HS6ST2: variants seen among roughly 807,000 people sequenced by gnomAD.
HS6ST2 encodes heparan sulfate 6-O-sulfotransferase 2, also known as heparan-sulfate 6-O-sulfotransferase 2.
A neutral mutation model predicts 33.0 loss-of-function variants in HS6ST2; 17 were observed. That is an observed-to-expected ratio of 0.52 (90% CI 0.35 to 0.77). The LOEUF (loss-of-function observed/expected upper bound fraction) is 0.77, where lower values mean the gene tolerates loss of function less well. Ranked by LOEUF, HS6ST2 falls within the 30% of genes least tolerant of loss-of-function variation. The probability of loss-of-function intolerance (pLI) is 0.01; values close to 1 mark genes in which losing one functional copy is unlikely to be tolerated. For synonymous variants in HS6ST2, 248 were observed against 237.1 expected (o/e 1.05, Z -0.42); for missense variants, 519 against 551.7 (o/e 0.94, Z 0.59).
In HS6ST2 at chrX:132,752,596, GCT is replaced by G. The variant is rs1357539098; in HGVS notation, c.948-44104_948-44103del. Among the ~76,000 whole-genome samples the G allele has an allele frequency of 3.6e-5, 4 of 111,691 alleles. No individual in the cohort carries two copies. The East Asian group carries it at 1.1e-3, about 31-fold the overall frequency. ...ACGCTGATCAGAAATGGGATGGTAT[GCT>G]CTGTGAGTTAGTATCAGAATCACCT... On this transcript the variant is annotated intron_variant, in intron 2 of 4. Coordinates refer to ENST00000370833, the MANE Select transcript of HS6ST2 (RefSeq NM_001394073.1).
chrX:132,844,252 C>T (rs2065730358), intron 2 of HS6ST2, among the ~76,000 whole-genome samples: 1 of 111,128 alleles, frequency 9.0e-6, no homozygotes, highest in African/African-American at 3.3e-5. Context: ...TGCATAGACA[C>T]ATAGCCTTTT....
intron 4 of HS6ST2, among the ~76,000 whole-genome samples, chrX:132,666,665 T>C (rs2063812513): frequency 9.0e-6 from 1 of 111,614 alleles, no homozygotes; most frequent in Non-Finnish European, 1.9e-5. Context: ...TTTTTAGCCA[T>C]GATGCATATT....
chrX:132,776,241 G>C (rs1049032564), intron 2 of HS6ST2, among the ~76,000 whole-genome samples: 1 of 111,742 alleles, frequency 8.9e-6, no homozygotes, highest in African/African-American at 3.3e-5. Context: ...GAGAATTGTC[G>C]CAAGACACAG....
At chrX:132,957,456 A>C (rs2067094758) in intron 1 of HS6ST2, 130 bp from the exon 2 acceptor site, 1 of 742,242 alleles carries the variant, frequency 1.3e-6, no homozygotes, top group Non-Finnish European at 1.9e-6. Flanking sequence ...CGAGTACTCC[A>C]CGGCGGCGGC....
chrX:132,911,649 T>C (rs2066535446), intron 2 of HS6ST2, among the ~76,000 whole-genome samples: 1 of 93,781 alleles, frequency 1.1e-5, no homozygotes, highest in East Asian at 3.4e-4. Context: ...TTTTTTTTTT[T>C]TTTTTTTGAG....
chrX:132,837,011 T>C (rs931067198), intron 2 of HS6ST2, among the ~76,000 whole-genome samples: 2 of 111,138 alleles, frequency 1.8e-5, no homozygotes, highest in Non-Finnish European at 3.8e-5. Context: ...AAATGAGGAG[T>C]CATTTAGGAT....
At chrX:132,761,562 C>CT (rs2064805730) in intron 2 of HS6ST2, among the ~76,000 whole-genome samples, 1 of 112,492 alleles carries the variant, frequency 8.9e-6, no homozygotes, top group African/African-American at 3.2e-5. Context: ...AGCGTCTCTA[C>CT]TTCCCTGTGG....
intron 2 of HS6ST2, among the ~76,000 whole-genome samples, chrX:132,851,701 G>T (rs1284283610): frequency 9.0e-6 from 1 of 111,543 alleles, no homozygotes; most frequent in East Asian, 2.8e-4. Flanking sequence ...AAATTGATTT[G>T]GGGGGAAAGT....
Position 132,847,375 on chromosome X carries a change from C to T in HS6ST2, c.947+109433G>A, listed in dbSNP as rs181944481. ...TGCCAGTAGTATACCATCCCCCAAG[C>T]CATAAAAATCAAAATTGTCTCCAGA... is the stretch of plus-strand genomic sequence containing the variant. On this transcript the variant is annotated intron_variant, in intron 2 of 4. Transcript: ENST00000370833. 3.4e-3 allele frequency among the ~76,000 whole-genome samples: 375 copies of T among 111,387 alleles called. 13 individuals are homozygous for T. In the East Asian group the frequency reaches 0.09, roughly 27 times the overall value.
In HS6ST2 at chrX:132,958,531, G is replaced by A. The variant is rs2067117748; in HGVS notation, c.72C>T (p.Arg24=). Residue 24 remains arginine, a synonymous_variant, in exon 1 of 5, where the codon CGC becomes CGT. Transcript: ENST00000370833. ...PRQPERGAPV[R]TTCPRRHSRV... ...TGGAATGCCGGCGGGGACAGGTGGT[G>A]CGGACGGGCGCTCCTCGCTCCGGTT... is the stretch of plus-strand genomic sequence containing the variant. The A allele has an allele frequency of 1.7e-6, 2 of 1,182,169 alleles. No homozygotes were observed. Among genetic ancestry groups the A allele is most frequent in the Non-Finnish European group, 2.3e-6 (2 of 881,356 alleles).
chrX:132,840,762 C>A (rs1470660649), intron 2 of HS6ST2, among the ~76,000 whole-genome samples: 1 of 111,647 alleles, frequency 9.0e-6, no homozygotes, highest in African/African-American at 3.3e-5. Flanking sequence ...TACAAAAATG[C>A]ATAAACATTA....
chrX:132,690,171 C>T (rs1162742647), intron 3 of HS6ST2, among the ~76,000 whole-genome samples: 1 of 112,172 alleles, frequency 8.9e-6, no homozygotes, highest in African/African-American at 3.2e-5. Context: ...ATATATTTTT[C>T]AAATGTCACA....
intron 2 of HS6ST2, among the ~76,000 whole-genome samples, chrX:132,816,912 AT>A (rs1161025423): frequency 6.3e-5 from 7 of 111,446 alleles, no homozygotes; most frequent in Non-Finnish European, 1.3e-4. Flanking sequence ...ATTGGCGGTG[AT>A]TAGAGAATAA....
At chrX:132,867,361 G>A (rs939533616) in intron 2 of HS6ST2, among the ~76,000 whole-genome samples, 1 of 109,248 alleles carries the variant, frequency 9.2e-6, no homozygotes, top group African/African-American at 3.4e-5. Context: ...GCTTTTTGAT[G>A]TGCTGCTGGA....
intron 2 of HS6ST2, among the ~76,000 whole-genome samples, chrX:132,874,752 C>T (rs1448721417): frequency 9.0e-6 from 1 of 111,391 alleles, no homozygotes; most frequent in African/African-American, 3.3e-5. Flanking sequence ...TGTGTTTCCA[C>T]CCTTTCCAAC....
intron 2 of HS6ST2, among the ~76,000 whole-genome samples, chrX:132,873,415 A>G (rs1224335083): frequency 9.0e-6 from 1 of 111,649 alleles, no homozygotes; most frequent in Non-Finnish European, 1.9e-5. Flanking sequence ...CTTCCCAGCA[A>G]TTTTCCCATG....
intron 2 of HS6ST2, among the ~76,000 whole-genome samples, chrX:132,899,779 A>G (rs1320187523): frequency 2.7e-5 from 3 of 112,012 alleles, no homozygotes; most frequent in Non-Finnish European, 5.6e-5. Flanking sequence ...ATAAAAGGAA[A>G]AAACCACACC....
intron 2 of HS6ST2, among the ~76,000 whole-genome samples, chrX:132,731,784 T>C (rs1043654030): frequency 4.5e-5 from 5 of 110,810 alleles, no homozygotes; most frequent in African/African-American, 1.6e-4. Flanking sequence ...GAGGCGGAGC[T>C]TGCAGTGAGT....
In HS6ST2 at chrX:132,687,122, C is replaced by T. The variant is rs190147609; in HGVS notation, c.981-17923G>A. Among the ~76,000 whole-genome samples the T allele has an allele frequency of 1.1e-4, 12 of 111,771 alleles. No homozygotes were observed. The East Asian group carries it at 1.1e-3, about 11-fold the overall frequency. The stretch of plus-strand genomic sequence containing the variant: ...CCTCTGTTGTGACCATTGTATTCAG[C>T]GCTTTTCGTTCTTTGCCAGTCTTGA... On this transcript the variant is annotated intron_variant, in intron 3 of 4. Coordinates refer to ENST00000370833, the MANE Select transcript of HS6ST2 (RefSeq NM_001394073.1).
Sources: allele counts gnomAD v4.1 joint callset (sites outside exome capture counted in the v4.1 genomes callset), GRCh38; gene constraint gnomAD v4.1.1; transcripts MANE v1.5; gene names NCBI Gene and HGNC (gene_info 2026-07-23, HGNC 2026-07-21).